PTPRN2: variants seen among roughly 807,000 people sequenced by gnomAD.
PTPRN2 encodes receptor-type tyrosine-protein phosphatase N2.
Under a neutral mutation model 118.8 loss-of-function variants are expected in PTPRN2, and 74 were observed. That is an observed-to-expected ratio of 0.62 (90% CI 0.52 to 0.76). The LOEUF is 0.76. PTPRN2 is among the 30% of genes least tolerant of loss of function. The pLI, the probability that PTPRN2 is intolerant of heterozygous loss-of-function variation, is 0.00. For synonymous variants in PTPRN2, 641 were observed against 608.0 expected, an observed-to-expected ratio of 1.05 and a Z score of -0.80; for missense variants, 1,481 against 1,394.4, an observed-to-expected ratio of 1.06 and a Z score of -0.99.
At chr7:157,862,899 A>AG (rs1810352973) in intron 12 of PTPRN2, 1 of 150,104 alleles carries the variant, frequency 6.7e-6, no homozygotes. Context: ...CTGAAAGATG[A>AG]GGGGGAGGAG....
intron 2 of PTPRN2, among the ~76,000 whole-genome samples, chr7:158,359,956 C>G (rs940013754): frequency 6.6e-6 from 1 of 152,248 alleles, no homozygotes; most frequent in South Asian, 2.1e-4. Context: ...CTCAGTGGGA[C>G]ATCTCACAGC....
chr7:157,619,451 T>C lies in PTPRN2; in HGVS notation c.2344+1911A>G, dbSNP rs1258368754. Among the ~76,000 whole-genome samples, 1 of 152,172 alleles carries C rather than the reference T, an allele frequency of 6.6e-6. No individual in the cohort carries two copies. The highest frequency in any genetic ancestry group is 2.4e-5 in the African/African-American group (1 of 41,450). ...TCTCCTCCCCCAGGCTGCTCCTCTC[T>C]GAGGACAGTGGCCAGGCCCCCAGAG... is the stretch of plus-strand genomic sequence containing the variant. On this transcript the variant is annotated intron_variant, in intron 15 of 22. Transcript: ENST00000389418. This position sits in a 1 kb window ranked among gnomAD's most constrained non-coding sequence, Gnocchi z 5.3.
In PTPRN2 at chr7:157,987,745, G is replaced by A. The variant is rs1431160147; in HGVS notation, c.1724-89008C>T. 1.3e-5 allele frequency among the ~76,000 whole-genome samples: 2 copies of A among 152,156 alleles called. No individual in the cohort carries two copies. The highest frequency in any genetic ancestry group is 2.1e-4 in the South Asian group (1 of 4,834). On this transcript the variant is annotated intron_variant, in intron 11 of 22. Coordinates refer to ENST00000389418, the MANE Select transcript of PTPRN2 (RefSeq NM_002847.5). This position sits in a 1 kb window ranked among gnomAD's most constrained non-coding sequence, Gnocchi z 4.3. ...AGTGTGGGATCCACAGTTACAGAGC[G>A]GATGGGGGACTAAGAACATCCATTC...
At chr7:158,371,621 G>C (rs560343336) in intron 2 of PTPRN2, among the ~76,000 whole-genome samples, 1 of 152,062 alleles carries the variant, frequency 6.6e-6, no homozygotes, top group Non-Finnish European at 1.5e-5. Context: ...GCAAGTTCTC[G>C]GAAGGAAAAT....
At position 157,840,830 on chromosome 7, in the gene PTPRN2, G is replaced by A. The variant is rs559167999; in HGVS notation, c.1788+57843C>T. Among the ~76,000 whole-genome samples, 19 of 152,324 alleles carry A rather than the reference G, an allele frequency of 1.2e-4. No homozygotes were observed. The South Asian group carries it at 2.7e-3, about 22-fold the overall frequency. The stretch of plus-strand genomic sequence containing the variant: ...CACAGGACCCCTGAAGAGGAGCCCC[G>A]TCCTCAGACCCCTCCAGGAGCCAGA... On this transcript the variant is annotated intron_variant, in intron 12 of 22. Transcript: ENST00000389418.
intron 2 of PTPRN2, among the ~76,000 whole-genome samples, chr7:158,397,879 G>C (rs1246202849): frequency 2.0e-5 from 1 of 50,372 alleles, no homozygotes; most frequent in African/African-American, 5.3e-5. Flanking sequence ...GCCACGGCCT[G>C]ACAGTAACAA....
At chr7:158,230,987 CT>C (rs1276582222) in intron 3 of PTPRN2, among the ~76,000 whole-genome samples, 1 of 152,162 alleles carries the variant, frequency 6.6e-6, no homozygotes, top group Admixed American at 6.5e-5. Context: ...ATATTTCAGG[CT>C]GGGCACAGAG....
At chr7:158,147,947 A>T (rs1820362136) in intron 6 of PTPRN2, among the ~76,000 whole-genome samples, 1 of 111,382 alleles carries the variant, frequency 9.0e-6, no homozygotes, top group Non-Finnish European at 1.9e-5. Context: ...CCTCAATGAC[A>T]CCCCATCTCA....
chr7:158,012,016 G>A (rs185194362), intron 11 of PTPRN2, among the ~76,000 whole-genome samples: 220 of 152,190 alleles, frequency 1.4e-3, no homozygotes, highest in African/African-American at 5.2e-3. Flanking sequence ...AATCAACTTG[G>A]GTGAGAAGAG....
intron 11 of PTPRN2, among the ~76,000 whole-genome samples, chr7:157,912,521 T>G (rs1401261144): frequency 2.0e-5 from 3 of 152,328 alleles, no homozygotes; most frequent in East Asian, 3.9e-4. Context: ...TTCTTTAAGG[T>G]TTGCATTTCT....
chr7:158,056,266 G>A (rs576566623), intron 11 of PTPRN2, among the ~76,000 whole-genome samples: 22 of 152,272 alleles, frequency 1.4e-4, no homozygotes, highest in African/African-American at 5.3e-4. Flanking sequence ...GATGCCCTGA[G>A]CCATCACAGC....
chr7:157,821,496 C>T (rs1055674295), intron 12 of PTPRN2, among the ~76,000 whole-genome samples: 3 of 152,028 alleles, frequency 2.0e-5, no homozygotes, highest in Non-Finnish European at 2.9e-5. Flanking sequence ...CCAGAGACAT[C>T]GGAGATGAAG....
chr7:157,866,033 C>G (rs1009216738), intron 12 of PTPRN2: 1 of 152,296 alleles, frequency 6.6e-6, no homozygotes, highest in African/African-American at 2.4e-5. Context: ...TACTCTCCTG[C>G]TTTAGAACAA....
intron 3 of PTPRN2, among the ~76,000 whole-genome samples, chr7:158,266,370 GTAT>G: frequency 7.5e-6 from 1 of 132,924 alleles, no homozygotes; most frequent in Admixed American, 7.7e-5. Flanking sequence ...CTGCTGCGGG[GTAT>G]TGTCTGGCAG....
Position 157,710,240 on chromosome 7 carries a change from T to C in PTPRN2, c.1789-27303A>G, listed in dbSNP as rs73163867. Among the ~76,000 whole-genome samples, 942 of 152,284 alleles carry C rather than the reference T, an allele frequency of 6.2e-3. 5 individuals carry two copies. Among genetic ancestry groups the C allele is most frequent in the Non-Finnish European group, 9.8e-3 (665 of 68,028 alleles). ...CCCTTGGACGAGGCTTTCTGGAACG[T>C]CCAGAATAAAGAGAATCCTCATTTC... On this transcript the variant is annotated intron_variant, in intron 12 of 22. Coordinates refer to ENST00000389418, the MANE Select transcript of PTPRN2 (RefSeq NM_002847.5).
Position 158,244,666 on chromosome 7 carries a change from G to A in PTPRN2, c.278-39393C>T, listed in dbSNP as rs533423263. On this transcript the variant is annotated intron_variant, in intron 3 of 22. Transcript: ENST00000389418. ...TGTGATTGTTTTGTGTGTCAGTTGTGTGAGTTCTGTAAGCTGTGTAAGTTG... is the reference window on the plus strand; with the variant it reads ...TGTGATTGTTTTGTGTGTCAGTTGTATGAGTTCTGTAAGCTGTGTAAGTTG... Among the ~76,000 whole-genome samples, 120 of 152,206 alleles carry A rather than the reference G, an allele frequency of 7.9e-4. 2 individuals carry two copies. In the South Asian group the frequency reaches 0.024, roughly 30 times the overall value.
chr7:158,178,399 G>T (rs561966425), intron 5 of PTPRN2, among the ~76,000 whole-genome samples: 11 of 151,922 alleles, frequency 7.2e-5, no homozygotes, highest in African/African-American at 2.7e-4. Context: ...CACTCTGTCT[G>T]CCTTTGCATA....
chr7:157,918,197 T>A (rs1011380724), intron 11 of PTPRN2, among the ~76,000 whole-genome samples: 2 of 152,168 alleles, frequency 1.3e-5, no homozygotes, highest in African/African-American at 4.8e-5. Flanking sequence ...GGCCTTCACC[T>A]CCCCGTTTAT....
intron 12 of PTPRN2, among the ~76,000 whole-genome samples, chr7:157,751,819 T>C (rs1222111887): frequency 7.5e-6 from 1 of 132,916 alleles, no homozygotes; most frequent in Non-Finnish European, 1.6e-5. Flanking sequence ...GAAACACATC[T>C]AACACAGGCC....
Sources: allele counts gnomAD v4.1 joint callset (sites outside exome capture counted in the v4.1 genomes callset), GRCh38; gene constraint gnomAD v4.1.1; non-coding constraint Gnocchi (gnomAD v3.1); transcripts MANE v1.5; gene names NCBI Gene and HGNC (gene_info 2026-07-23, HGNC 2026-07-21).